Variants in ANKRD66 observed in about 807,000 individuals in gnomAD.
The protein encoded by ANKRD66 is ankyrin repeat domain 66.
ANKRD66 carries 10 observed loss-of-function variants against 10.9 expected under a neutral mutation model. The observed-to-expected ratio is 0.91, with a 90% CI of 0.56 to 1.55. The LOEUF (loss-of-function observed/expected upper bound fraction) is 1.55, where lower values mean the gene tolerates loss of function less well. ANKRD66 is among the 40% of genes most tolerant of loss of function. The probability of loss-of-function intolerance (pLI) is 0.00; values close to 1 mark genes in which losing one functional copy is unlikely to be tolerated. For missense variants in ANKRD66, 252 were observed against 242.9 expected (o/e 1.04, Z -0.25); for synonymous variants, 85 against 88.4 (o/e 0.96, Z 0.22).
At chr6:46,754,027 G>A (rs1766322757) in intron 4 of ANKRD66, 77 bp downstream of exon 4, 3 of 1,246,724 alleles carry the variant, frequency 2.4e-6, no homozygotes, top group Non-Finnish European at 3.3e-6. Flanking sequence ...GTGATTCTGT[G>A]GTCTCAGGTC....
chr6:46,758,610 C>T, intron 4 of ANKRD66, 113 bp from the exon 5 acceptor site: 8 of 1,042,944 alleles, frequency 7.7e-6, no homozygotes, highest in Non-Finnish European at 1.0e-5. Context: ...CAAACTTGGC[C>T]TCCTTCCTTC....
intron 1 of ANKRD66, 52 bp downstream of exon 1, chr6:46,747,042 C>T: frequency 6.6e-7 from 1 of 1,510,668 alleles, no homozygotes. Flanking sequence ...TTAAAAATCA[C>T]TCACATTTAT....
At chr6:46,755,916 G>T (rs1204788921) in intron 4 of ANKRD66, among the ~76,000 whole-genome samples, 2 of 152,094 alleles carry the variant, frequency 1.3e-5, no homozygotes, top group Non-Finnish European at 2.9e-5. Flanking sequence ...TTATTGTGAT[G>T]AAAAACTCAT....
At chr6:46,752,428 T>C (rs1766292617) in intron 3 of ANKRD66, among the ~76,000 whole-genome samples, 1 of 152,054 alleles carries the variant, frequency 6.6e-6, no homozygotes, top group South Asian at 2.1e-4. Flanking sequence ...GGAGAAGGTG[T>C]TTCTTTATGT....
intron 3 of ANKRD66, 34 bp downstream of exon 3, chr6:46,752,145 T>A: frequency 1.4e-6 from 2 of 1,415,692 alleles, no homozygotes; most frequent in Non-Finnish European, 1.8e-6. Flanking sequence ...ATCTGCCCTT[T>A]TGAGTCCACC....
intron 1 of ANKRD66, among the ~76,000 whole-genome samples, chr6:46,748,578 G>A (rs536710679): frequency 1.3e-5 from 2 of 152,330 alleles, no homozygotes; most frequent in South Asian, 4.1e-4. Context: ...AATTTTGAAA[G>A]TAAAATGCAG....
At position 46,749,558 on chromosome 6, in the gene ANKRD66, C is replaced by G. The variant is rs112488581; in HGVS notation, c.-96-338C>G. ...TTTTTTTTCTCTTTTATTCCCCCCC[C>G]CCCCCCCCCGCTTTTTTCTTTTCCT... On this transcript the variant is annotated intron_variant, in intron 1 of 4. Transcript: ENST00000565422. Among the ~76,000 whole-genome samples the G allele has an allele frequency of 5.1e-4, 50 of 98,278 alleles. 3 individuals carry two copies. Among genetic ancestry groups the G allele is most frequent in the African/African-American group, 1.6e-3 (39 of 23,814 alleles). The allele number at this position is 98,278 out of a possible 152,430, so 64.5% of individuals were successfully genotyped here.
intron 1 of ANKRD66, among the ~76,000 whole-genome samples, chr6:46,749,675 A>T (rs1022580371): frequency 6.7e-6 from 1 of 149,914 alleles, no homozygotes; most frequent in Non-Finnish European, 1.5e-5. Flanking sequence ...CCTTTGCAGC[A>T]TGTGACTCTG....
At chr6:46,751,675 A>T (rs1435501334) in intron 2 of ANKRD66, among the ~76,000 whole-genome samples, 1 of 152,132 alleles carries the variant, frequency 6.6e-6, no homozygotes, top group Non-Finnish European at 1.5e-5. Flanking sequence ...GCACTGGAGG[A>T]TGGTTTGAGG....
chr6:46,753,389 C>A (rs1472586894), intron 3 of ANKRD66, among the ~76,000 whole-genome samples: 1 of 152,118 alleles, frequency 6.6e-6, no homozygotes, highest in Non-Finnish European at 1.5e-5. Flanking sequence ...GTGGGCCTTA[C>A]CAATAGGCAG....
chr6:46,751,855 A>G (rs987327706), intron 2 of ANKRD66, 82 bp from the exon 3 acceptor site: 1 of 1,305,246 alleles, frequency 7.7e-7, no homozygotes, highest in Non-Finnish European at 1.0e-6. Context: ...GAAAGGAAAT[A>G]AATGATACAG....
intron 1 of ANKRD66, 100 bp downstream of exon 1, chr6:46,747,090 C>A: frequency 8.1e-7 from 1 of 1,230,622 alleles, no homozygotes; most frequent in Non-Finnish European, 1.1e-6. Context: ...CACTTGATTT[C>A]CTATCTTTAT....
At chr6:46,752,339 A>G (rs998339804) in intron 3 of ANKRD66, among the ~76,000 whole-genome samples, 2 of 152,104 alleles carry the variant, frequency 1.3e-5, no homozygotes, top group Non-Finnish European at 2.9e-5. Flanking sequence ...GGTTCAAGCG[A>G]TTCTCCTGCC....
intron 1 of ANKRD66, among the ~76,000 whole-genome samples, chr6:46,747,913 A>G (rs1178695015): frequency 1.3e-5 from 2 of 152,106 alleles, no homozygotes; most frequent in South Asian, 4.1e-4. Flanking sequence ...AGAGCAACGG[A>G]GTAGATCTGA....
chr6:46,748,688 C>T (rs1487008143), intron 1 of ANKRD66, among the ~76,000 whole-genome samples: 2 of 152,166 alleles, frequency 1.3e-5, no homozygotes, highest in Non-Finnish European at 2.9e-5. Context: ...ATTCTGATTC[C>T]TTTTGGACTG....
Position 46,746,982 on chromosome 6 carries a change from C to T in ANKRD66, c.-105C>T. 1.3e-6 allele frequency: 2 copies of T among 1,535,514 alleles called. No individual in the cohort carries two copies. The highest frequency in any genetic ancestry group is 2.4e-5 in the East Asian group (1 of 40,906). ...TCAGCACAGAGCTCCTCAAATTTCACACAAGACAGTAAGTGTTTTTAAGTT... is the reference window on the plus strand; with the variant it reads ...TCAGCACAGAGCTCCTCAAATTTCATACAAGACAGTAAGTGTTTTTAAGTT... On this transcript the variant is annotated 5_prime_UTR_variant, in exon 1 of 5. Coordinates refer to ENST00000565422, the MANE Select transcript of ANKRD66 (RefSeq NM_001162435.3).
At chr6:46,758,366 A>AT (rs1766420552) in intron 4 of ANKRD66, 3 of 173,812 alleles carry the variant, frequency 1.7e-5, no homozygotes, top group Admixed American at 6.1e-5. Flanking sequence ...CAAGGAACAC[A>AT]CATCACTTTT....
intron 4 of ANKRD66, among the ~76,000 whole-genome samples, chr6:46,755,654 G>GT (rs1359675755): frequency 6.6e-6 from 1 of 152,014 alleles, no homozygotes; most frequent in Non-Finnish European, 1.5e-5. Flanking sequence ...TATTTTTAGT[G>GT]TTTTTTCCTT....
intron 4 of ANKRD66, chr6:46,758,420 G>T (rs1438173513): frequency 1.1e-5 from 3 of 269,540 alleles, no homozygotes; most frequent in Admixed American, 5.2e-5. Flanking sequence ...AAACAGTCTC[G>T]CAATAATCTG....
Sources: gnomAD v4.1 joint callset for allele counts (sites outside exome capture counted in the v4.1 genomes callset) on GRCh38, gnomAD v4.1.1 for gene constraint, MANE v1.5 for transcripts, NCBI Gene and HGNC (gene_info 2026-07-23, HGNC 2026-07-21) for gene names.